TNFAIP8: variants seen among roughly 807,000 people sequenced by gnomAD.
The protein encoded by TNFAIP8 is TNF alpha induced protein 8, also known as tumor necrosis factor alpha-induced protein 8.
In TNFAIP8, 7 loss-of-function variants were observed where a neutral mutation model predicts 13.3. The observed-to-expected ratio is 0.52, with a 90% CI of 0.30 to 0.99. The LOEUF (loss-of-function observed/expected upper bound fraction) is 0.99, where lower values mean the gene tolerates loss of function less well. TNFAIP8 is among the 50% of genes least tolerant of loss of function. The pLI is 0.07. For synonymous variants in TNFAIP8, 94 were observed against 87.6 expected (o/e 1.07, Z -0.41); for missense variants, 258 against 236.9 (o/e 1.09, Z -0.58).
At chr5:119,304,044 A>G (rs1749477454) in intron 1 of TNFAIP8, among the ~76,000 whole-genome samples, 1 of 152,110 alleles carries the variant, frequency 6.6e-6, no homozygotes, top group Non-Finnish European at 1.5e-5. Context: ...TTTCTACGAT[A>G]CAGATCGGAT....
At chr5:119,391,059 G>GGGCT (rs1752873846) in intron 1 of TNFAIP8, among the ~76,000 whole-genome samples, 1 of 148,400 alleles carries the variant, frequency 6.7e-6, no homozygotes, top group African/African-American at 2.5e-5. Flanking sequence ...TCAAACTCCT[G>GGGCT]GGCTCAAGTG....
chr5:119,325,210 CCTTGCACTTGTCCACA>C (rs1750184166), intron 1 of TNFAIP8, among the ~76,000 whole-genome samples: 1 of 152,214 alleles, frequency 6.6e-6, no homozygotes. Flanking sequence ...CGCGCAGTTT[CCTTGCACTTGTCCACA>C]CTTCTGTCTA....
chr5:119,287,117 C>G (rs1435006855), intron 1 of TNFAIP8, among the ~76,000 whole-genome samples: 2 of 152,086 alleles, frequency 1.3e-5, no homozygotes, highest in Non-Finnish European at 2.9e-5. Context: ...GCTGCCTCCT[C>G]CAGGAAACCT....
At chr5:119,386,349 C>T (rs1752671706) in intron 1 of TNFAIP8, among the ~76,000 whole-genome samples, 1 of 152,148 alleles carries the variant, frequency 6.6e-6, no homozygotes, top group South Asian at 2.1e-4. Context: ...CAATTGCATG[C>T]AGCTCCACTG....
intron 1 of TNFAIP8, among the ~76,000 whole-genome samples, chr5:119,302,830 C>G (rs936964020): frequency 2.6e-5 from 4 of 152,164 alleles, no homozygotes; most frequent in Admixed American, 2.6e-4. Flanking sequence ...TTTATATATT[C>G]CTGGGCTTTC....
Position 119,280,068 on chromosome 5 carries a change from T to C in TNFAIP8, c.1+11161T>C, listed in dbSNP as rs115411044. Among the ~76,000 whole-genome samples, 406 of 152,264 alleles carry C rather than the reference T, an allele frequency of 2.7e-3. 1 individual carries two copies. Among genetic ancestry groups the C allele is most frequent in the African/African-American group, 9.3e-3 (385 of 41,548 alleles). On this transcript the variant is annotated intron_variant, in intron 1 of 1. Transcript: ENST00000274456. ...TAATACTTTTATTGTAAAACATAAA[T>C]ATCAAAAAGCCACACAAAACAAATG...
At chr5:119,302,261 A>G (rs1220362167) in intron 1 of TNFAIP8, among the ~76,000 whole-genome samples, 1 of 152,226 alleles carries the variant, frequency 6.6e-6, no homozygotes. Flanking sequence ...GAGATAGAAG[A>G]TCTGTGCTCT....
At chr5:119,364,736 A>G (rs563826591) in intron 1 of TNFAIP8, among the ~76,000 whole-genome samples, 18 of 152,168 alleles carry the variant, frequency 1.2e-4, no homozygotes, top group Admixed American at 9.8e-4. Flanking sequence ...TTCTTACTAT[A>G]TAACAGTATC....
In TNFAIP8 at chr5:119,395,461, GAA is replaced by G. The variant is rs1374175931; in HGVS notation, c.*2083_*2084del. 6.6e-6 allele frequency: 1 copy of G among 152,252 alleles called. No homozygotes were observed. Among genetic ancestry groups the G allele is most frequent in the African/African-American group, 2.4e-5 (1 of 41,424 alleles). 9.4% of individuals were successfully genotyped at this position (152,252 alleles called of 1,614,324 possible). ...CTATAGACAGGACCAACCAGAGAGA[GAA>G]AACGTACGGAGGGAGAAATCTGGAT... On this transcript the variant is annotated 3_prime_UTR_variant, in exon 2 of 2. Transcript: ENST00000504771.
At chr5:119,294,112 T>G (rs1749084299) in intron 1 of TNFAIP8, among the ~76,000 whole-genome samples, 1 of 152,110 alleles carries the variant, frequency 6.6e-6, no homozygotes, top group Non-Finnish European at 1.5e-5. Flanking sequence ...TAGTTACATA[T>G]GTATACATGT....
intron 1 of TNFAIP8, among the ~76,000 whole-genome samples, chr5:119,368,463 G>GTGTGTGTGTGTGTT (rs1306893106): frequency 6.9e-6 from 1 of 145,902 alleles, no homozygotes; most frequent in Admixed American, 6.8e-5. Context: ...GTGTGTGCGT[G>GTGTGTGTGTGTGTT]TGTGTGTTTG....
intron 1 of TNFAIP8, among the ~76,000 whole-genome samples, chr5:119,284,417 G>A (rs766559603): frequency 3.3e-5 from 5 of 152,012 alleles, no homozygotes; most frequent in African/African-American, 7.2e-5. Context: ...TTTAGGCCAG[G>A]CACCTATAAT....
At chr5:119,332,756 G>T (rs1750424512) in intron 1 of TNFAIP8, among the ~76,000 whole-genome samples, 1 of 152,300 alleles carries the variant, frequency 6.6e-6, no homozygotes, top group South Asian at 2.1e-4. Context: ...AGATTTGTGG[G>T]TGGCAATGAC....
intron 1 of TNFAIP8, among the ~76,000 whole-genome samples, chr5:119,281,502 G>C (rs1390157190): frequency 1.3e-5 from 2 of 151,890 alleles, no homozygotes. Flanking sequence ...ATAGACTATT[G>C]TGTAATTACC....
At chr5:119,307,730 T>C (rs2112664315) in intron 1 of TNFAIP8, among the ~76,000 whole-genome samples, 1 of 152,372 alleles carries the variant, frequency 6.6e-6, no homozygotes, top group South Asian at 2.1e-4. Flanking sequence ...AATGGTATTT[T>C]AGAATCATGG....
At chr5:119,314,906 TC>T (rs905237067) in intron 1 of TNFAIP8, among the ~76,000 whole-genome samples, 16 of 152,054 alleles carry the variant, frequency 1.1e-4, no homozygotes, top group African/African-American at 2.9e-4. Flanking sequence ...TTATTTTTTT[TC>T]ATTATTTTCT....
intron 1 of TNFAIP8, among the ~76,000 whole-genome samples, chr5:119,379,753 G>A (rs945649669): frequency 2.6e-5 from 4 of 151,920 alleles, no homozygotes. Flanking sequence ...ACAACACCTG[G>A]GTAATTTTTT....
rs549592830 is a variant in TNFAIP8, at chr5:119,301,527, A to G, written c.1+32620A>G. The stretch of plus-strand genomic sequence containing the variant: ...CACCTTGATTATATGTGGTTTTGCC[A>G]TTATTTATATGCCATAGCTCCTTCA... On this transcript the variant is annotated intron_variant, in intron 1 of 1. Transcript: ENST00000274456. Among the ~76,000 whole-genome samples the G allele has an allele frequency of 5.9e-5, 9 of 152,186 alleles. No individual in the cohort carries two copies. In the East Asian group the frequency reaches 1.4e-3, roughly 23 times the overall value.
intron 1 of TNFAIP8, among the ~76,000 whole-genome samples, chr5:119,286,738 C>G (rs1203847161): frequency 1.3e-5 from 2 of 152,160 alleles, no homozygotes; most frequent in East Asian, 3.8e-4. Flanking sequence ...CTGCCATGCC[C>G]CAGTCACAGT....
Sources: gnomAD v4.1 joint callset for allele counts (sites outside exome capture counted in the v4.1 genomes callset) on GRCh38, gnomAD v4.1.1 for gene constraint, MANE v1.5 for transcripts, NCBI Gene and HGNC (gene_info 2026-07-23, HGNC 2026-07-21) for gene names.